Variants in SOX5 observed in about 807,000 individuals in gnomAD.
The protein encoded by SOX5 is SRY-box transcription factor 5.
A neutral mutation model predicts 92.0 loss-of-function variants in SOX5; 9 were observed. The observed-to-expected ratio is 0.10, with a 90% CI of 0.06 to 0.17. The LOEUF is 0.17. SOX5 is among the 10% of genes least tolerant of loss of function. SOX5 has a pLI of 1.00. For missense variants in SOX5, 642 were observed against 944.5 expected, an observed-to-expected ratio of 0.68 and a Z score of 4.20; for synonymous variants, 344 against 336.3, an observed-to-expected ratio of 1.02 and a Z score of -0.25.
intron 4 of SOX5, among the ~76,000 whole-genome samples, chr12:24,061,281 A>G (rs556432038): frequency 1.6e-4 from 25 of 152,278 alleles, no homozygotes; most frequent in Non-Finnish European, 1.8e-4. Context: ...TCCCGTAAGT[A>G]TTAAGTATTA....
chr12:23,733,860 G>C (rs1241043890), intron 6 of SOX5, among the ~76,000 whole-genome samples: 2 of 152,094 alleles, frequency 1.3e-5, no homozygotes, highest in Non-Finnish European at 2.9e-5. Context: ...TGTCACATGG[G>C]GTTGGATTCA....
intron 6 of SOX5, among the ~76,000 whole-genome samples, chr12:23,718,029 C>T (rs1415688289): frequency 6.6e-6 from 1 of 151,870 alleles, no homozygotes; most frequent in Non-Finnish European, 1.5e-5. Context: ...TTATTAGCAT[C>T]CTTAAAATAT....
At chr12:23,556,740 C>A (rs1461318491) in intron 11 of SOX5, among the ~76,000 whole-genome samples, 2 of 152,214 alleles carry the variant, frequency 1.3e-5, no homozygotes, top group Non-Finnish European at 2.9e-5. Flanking sequence ...CTTCCACCGA[C>A]TGGAGAGGCA....
At chr12:24,494,517 G>A (rs1947417865) in intron 1 of SOX5, among the ~76,000 whole-genome samples, 1 of 152,126 alleles carries the variant, frequency 6.6e-6, no homozygotes, top group Non-Finnish European at 1.5e-5. Context: ...GATATGGAAA[G>A]GTTACAAAAC....
chr12:24,067,140 G>A (rs1940883875), intron 4 of SOX5, among the ~76,000 whole-genome samples: 1 of 152,152 alleles, frequency 6.6e-6, no homozygotes, highest in Non-Finnish European at 1.5e-5. Context: ...TTGTATTGCT[G>A]CCATTTGGTC....
intron 4 of SOX5, among the ~76,000 whole-genome samples, chr12:24,020,451 G>C (rs1431759797): frequency 6.6e-6 from 1 of 152,164 alleles, no homozygotes; most frequent in Non-Finnish European, 1.5e-5. Context: ...ACAATTAAGA[G>C]AAACCTTGAA....
chr12:24,304,084 T>C (rs1948300247), intron 2 of SOX5, among the ~76,000 whole-genome samples: 1 of 152,096 alleles, frequency 6.6e-6, no homozygotes, highest in Non-Finnish European at 1.5e-5. Context: ...ATAATGAATA[T>C]CTTAAGAAAG....
rs57964050 is a variant in SOX5 at position 24,428,726 on chromosome 12, C to CAAAAAAAAAAAAAAAAAAAAAAA, written c.-250-60110_-250-60088dup. Among the ~76,000 whole-genome samples the CAAAAAAAAAAAAAAAAAAAAAAA allele has an allele frequency of 8.9e-4, 29 of 32,596 alleles. 8 individuals are homozygous for CAAAAAAAAAAAAAAAAAAAAAAA. Among genetic ancestry groups the CAAAAAAAAAAAAAAAAAAAAAAA allele is most frequent in the Non-Finnish European group, 1.1e-3 (21 of 19,602 alleles). The allele number at this position is 32,596 out of a possible 152,430, so 21.4% of individuals were successfully genotyped here. On this transcript the variant is annotated intron_variant, in intron 1 of 4. Transcript: ENST00000446891. ...GGCAACAGAGTGAGACTCTGTTTCT[C>CAAAAAAAAAAAAAAAAAAAAAAA]AAAAAAAAAAAAAAAAAAAAAAAAA...
intron 6 of SOX5, among the ~76,000 whole-genome samples, chr12:23,711,299 C>T (rs1429016890): frequency 6.6e-6 from 1 of 152,138 alleles, no homozygotes; most frequent in Non-Finnish European, 1.5e-5. Flanking sequence ...ATAGTCTTCA[C>T]TTCTTAATTT....
chr12:23,985,654 C>T (rs1236834644), intron 4 of SOX5, among the ~76,000 whole-genome samples: 3 of 138,260 alleles, frequency 2.2e-5, no homozygotes, highest in Non-Finnish European at 4.7e-5. Flanking sequence ...TCTTGAAATG[C>T]TTCCCTTATT....
At chr12:24,499,669 T>C (rs1184342733) in intron 1 of SOX5, among the ~76,000 whole-genome samples, 2 of 151,792 alleles carry the variant, frequency 1.3e-5, no homozygotes, top group African/African-American at 4.8e-5. Context: ...ATTGGAAAGA[T>C]GAAAGGCTGA....
At chr12:23,715,549 C>T (rs2092426203) in intron 6 of SOX5, among the ~76,000 whole-genome samples, 1 of 151,972 alleles carries the variant, frequency 6.6e-6, no homozygotes, top group South Asian at 2.1e-4. Flanking sequence ...TACTTCTACT[C>T]CTCAGAGAGC....
intron 3 of SOX5, among the ~76,000 whole-genome samples, chr12:23,762,974 G>A (rs2094606574): frequency 2.0e-5 from 3 of 152,038 alleles, no homozygotes; most frequent in South Asian, 4.1e-4. Flanking sequence ...TTCTTATATA[G>A]ACTACAACTC....
chr12:24,339,242 CAT>C (rs1215052701), intron 2 of SOX5, among the ~76,000 whole-genome samples: 5 of 150,958 alleles, frequency 3.3e-5, no homozygotes, highest in Admixed American at 3.3e-4. Context: ...GCCCAGTAGA[CAT>C]ATGGAGTATG....
intron 9 of SOX5, among the ~76,000 whole-genome samples, chr12:23,595,131 T>G (rs1459935525): frequency 2.0e-5 from 3 of 152,198 alleles, no homozygotes; most frequent in Admixed American, 1.3e-4. Flanking sequence ...TGGCTTGAAT[T>G]AAATTTGATA....
chr12:23,599,332 T>C (rs1953036478), intron 9 of SOX5, among the ~76,000 whole-genome samples: 1 of 152,248 alleles, frequency 6.6e-6, no homozygotes, highest in South Asian at 2.1e-4. Flanking sequence ...CGGAGAAATA[T>C]TTCTTTTCCT....
At chr12:23,879,016 AAAATAT>A (rs1478102108) in intron 2 of SOX5, among the ~76,000 whole-genome samples, 3 of 152,140 alleles carry the variant, frequency 2.0e-5, no homozygotes, top group African/African-American at 7.2e-5. Flanking sequence ...GCTGCTTCAT[AAAATAT>A]AAAACTGTGT....
intron 1 of SOX5, among the ~76,000 whole-genome samples, chr12:23,906,875 G>C (rs185262048): frequency 6.6e-6 from 1 of 151,432 alleles, no homozygotes; most frequent in South Asian, 2.1e-4. Flanking sequence ...AAGCCTTTTG[G>C]ATTTTTCTGA....
intron 3 of SOX5, among the ~76,000 whole-genome samples, chr12:24,244,222 G>A (rs534517535): frequency 9.9e-5 from 15 of 152,074 alleles, no homozygotes; most frequent in Non-Finnish European, 1.9e-4. Flanking sequence ...GAGTAGATCC[G>A]CTTAAACAAC....
Sources: allele counts gnomAD v4.1 joint callset (sites outside exome capture counted in the v4.1 genomes callset), GRCh38; gene constraint gnomAD v4.1.1; transcripts MANE v1.5; gene names NCBI Gene and HGNC (gene_info 2026-07-23, HGNC 2026-07-21).